The following ZBTB20 variants were observed in gnomAD, a reference collection of about 807,000 sequenced individuals.
ZBTB20 encodes the protein zinc finger and BTB domain-containing protein 20.
A neutral mutation model predicts 56.9 loss-of-function variants in ZBTB20; 9 were observed. The observed-to-expected ratio is 0.16, with a 90% confidence interval of 0.10 to 0.28. The LOEUF is 0.28. Ranked by LOEUF, ZBTB20 falls within the 10% of genes least tolerant of loss-of-function variation. ZBTB20 has a pLI of 1.00. For missense variants in ZBTB20, 655 were observed against 1,003.0 expected, an observed-to-expected ratio of 0.65 and a Z score of 4.69; for synonymous variants, 417 against 420.7, an observed-to-expected ratio of 0.99 and a Z score of 0.11.
chr3:115,043,722 ATT>A (rs1393501268), intron 2 of ZBTB20, among the ~76,000 whole-genome samples: 1 of 152,064 alleles, frequency 6.6e-6, no homozygotes, highest in Admixed American at 6.6e-5. Flanking sequence ...TTTACTCCAC[ATT>A]TTCTTTGTCA....
intron 7 of ZBTB20, among the ~76,000 whole-genome samples, chr3:114,452,045 C>T (rs761667972): frequency 2.4e-4 from 35 of 148,274 alleles, no homozygotes; most frequent in South Asian, 2.3e-4. Flanking sequence ...CCCTTGGTCA[C>T]ATCAAAAACA....
At chr3:114,347,252 T>C (rs1422980242) in intron 11 of ZBTB20, among the ~76,000 whole-genome samples, 3 of 152,104 alleles carry the variant, frequency 2.0e-5, no homozygotes, top group Admixed American at 6.5e-5. Context: ...CTACCATCTA[T>C]ATTAAACTTT....
At chr3:114,589,216 C>A (rs1249282084) in intron 6 of ZBTB20, among the ~76,000 whole-genome samples, 1 of 152,104 alleles carries the variant, frequency 6.6e-6, no homozygotes, top group Non-Finnish European at 1.5e-5. Flanking sequence ...TCTTTCTCAC[C>A]CTAAATTTCA....
intron 6 of ZBTB20, among the ~76,000 whole-genome samples, chr3:114,677,278 T>C (rs2061683463): frequency 6.6e-6 from 1 of 152,180 alleles, no homozygotes. Context: ...CCAGAAACCT[T>C]GCACTTAACA....
intron 6 of ZBTB20, among the ~76,000 whole-genome samples, chr3:114,610,647 A>T (rs2057479065): frequency 6.6e-6 from 1 of 152,232 alleles, no homozygotes. Context: ...AACTCAAGAT[A>T]GAAAACTCAA....
intron 1 of ZBTB20, among the ~76,000 whole-genome samples, chr3:115,123,439 GAAGT>G (rs1442117758): frequency 6.6e-6 from 1 of 151,574 alleles, no homozygotes; most frequent in Non-Finnish European, 1.5e-5. Flanking sequence ...GAAAACAAAA[GAAGT>G]AAGCATTCTA....
chr3:114,900,437 T>C (rs2075063807), intron 3 of ZBTB20, 95 bp from the exon 4 acceptor site: 1 of 151,798 alleles, frequency 6.6e-6, no homozygotes, highest in East Asian at 1.9e-4. Context: ...GTAGGAAAAG[T>C]TTCAGTGCAT....
intron 6 of ZBTB20, among the ~76,000 whole-genome samples, chr3:114,594,420 C>T (rs1448703634): frequency 6.6e-6 from 1 of 152,044 alleles, no homozygotes; most frequent in Non-Finnish European, 1.5e-5. Flanking sequence ...GCACATGTCA[C>T]TACACCGGGC....
chr3:114,641,862 TCTCA>T (rs1042683292), intron 6 of ZBTB20, among the ~76,000 whole-genome samples: 51 of 152,122 alleles, frequency 3.4e-4, no homozygotes, highest in Admixed American at 2.6e-3. Flanking sequence ...AAAAAAAGAC[TCTCA>T]CTGTTTTTCA....
At chr3:114,424,233 C>A (rs190560533) in intron 7 of ZBTB20, among the ~76,000 whole-genome samples, 1 of 152,302 alleles carries the variant, frequency 6.6e-6, no homozygotes, top group Admixed American at 6.5e-5. Flanking sequence ...AAAAGATGCA[C>A]ACAGACACAA....
chr3:114,621,720 C>T (rs2058333899), intron 6 of ZBTB20, among the ~76,000 whole-genome samples: 1 of 152,088 alleles, frequency 6.6e-6, no homozygotes, highest in African/African-American at 2.4e-5. Context: ...CATGCATCCT[C>T]ATTAATTTAA....
At chr3:114,556,176 T>C (rs2051197066) in intron 6 of ZBTB20, among the ~76,000 whole-genome samples, 1 of 152,110 alleles carries the variant, frequency 6.6e-6, no homozygotes, top group Non-Finnish European at 1.5e-5. Context: ...TCTGTTCATA[T>C]ATTGTTTCTA....
chr3:114,414,750 T>C (rs2088346919), intron 7 of ZBTB20, among the ~76,000 whole-genome samples: 1 of 147,830 alleles, frequency 6.8e-6, no homozygotes, highest in African/African-American at 2.4e-5. Context: ...ATAAAATATA[T>C]AAAATATAAA....
intron 5 of ZBTB20, among the ~76,000 whole-genome samples, chr3:114,775,295 G>T (rs1052235743): frequency 5.3e-5 from 8 of 151,874 alleles, no homozygotes; most frequent in African/African-American, 1.5e-4. Flanking sequence ...TCCTTCCTTT[G>T]CCCCACTTGT....
intron 6 of ZBTB20, among the ~76,000 whole-genome samples, chr3:114,577,288 ATGGTGC>A (rs1559984821): frequency 6.6e-6 from 1 of 152,162 alleles, no homozygotes; most frequent in Non-Finnish European, 1.5e-5. Flanking sequence ...AAATAGAAAA[ATGGTGC>A]TGATAGATTT....
At chr3:114,740,056 G>C (rs913861656) in intron 5 of ZBTB20, among the ~76,000 whole-genome samples, 1 of 152,208 alleles carries the variant, frequency 6.6e-6, no homozygotes, top group South Asian at 2.1e-4. Context: ...TTCCAGTCCT[G>C]TGAGGTACTG....
chr3:115,101,491 GA>G (rs1191413244), intron 1 of ZBTB20, among the ~76,000 whole-genome samples: 1 of 152,000 alleles, frequency 6.6e-6, no homozygotes, highest in African/African-American at 2.4e-5. Flanking sequence ...ACAAACATCA[GA>G]AAACAGAAAT....
intron 7 of ZBTB20, among the ~76,000 whole-genome samples, chr3:114,395,350 T>G (rs2108659172): frequency 6.6e-6 from 1 of 152,198 alleles, no homozygotes; most frequent in East Asian, 1.9e-4. Context: ...GCTGATGACC[T>G]CCGATGAGAC....
intron 8 of ZBTB20, among the ~76,000 whole-genome samples, chr3:114,381,730 G>A (rs553191326): frequency 1.3e-5 from 2 of 152,262 alleles, no homozygotes; most frequent in South Asian, 4.1e-4. Flanking sequence ...ATCTGCCCTC[G>A]CAGAATATGG....
Sources: allele counts gnomAD v4.1 joint callset (sites outside exome capture counted in the v4.1 genomes callset), GRCh38; gene constraint gnomAD v4.1.1; transcripts MANE v1.5; gene names NCBI Gene and HGNC (gene_info 2026-07-23, HGNC 2026-07-21).